Variants in GSG1L observed in about 807,000 individuals in gnomAD.
GSG1L encodes the protein germ cell-specific gene 1-like protein.
In GSG1L, 24 loss-of-function variants were observed where a neutral mutation model predicts 42.1. The ratio of observed to expected loss-of-function variants is 0.57; its 90% confidence interval spans 0.41 to 0.80. GSG1L has a LOEUF of 0.80. Among genes scored for constraint, GSG1L ranks in the 30% least tolerant of loss-of-function variants. The probability of loss-of-function intolerance (pLI) is 0.00; values close to 1 mark genes in which losing one functional copy is unlikely to be tolerated. For missense variants in GSG1L, 445 were observed against 472.2 expected (o/e 0.94, Z 0.53); for synonymous variants, 215 against 203.5 (o/e 1.06, Z -0.48).
intron 2 of GSG1L, among the ~76,000 whole-genome samples, chr16:27,913,121 C>T (rs766062785): frequency 8.5e-5 from 13 of 152,154 alleles, no homozygotes; most frequent in South Asian, 6.2e-4. Flanking sequence ...CCACGCCTGG[C>T]CAATGTGGAG....
chr16:27,894,674 G>C (rs2084169548), intron 2 of GSG1L, among the ~76,000 whole-genome samples: 1 of 152,192 alleles, frequency 6.6e-6, no homozygotes, highest in South Asian at 2.1e-4. Flanking sequence ...CAGAGGCAGG[G>C]ATGTACCGGC....
At chr16:27,983,459 T>C (rs2085346604) in intron 1 of GSG1L, among the ~76,000 whole-genome samples, 1 of 152,242 alleles carries the variant, frequency 6.6e-6, no homozygotes, top group Non-Finnish European at 1.5e-5. Flanking sequence ...TAGCTGGAGA[T>C]AAATGAGGTA....
At chr16:28,033,456 T>G (rs1401190510) in intron 1 of GSG1L, among the ~76,000 whole-genome samples, 2 of 152,132 alleles carry the variant, frequency 1.3e-5, no homozygotes, top group Non-Finnish European at 2.9e-5. Flanking sequence ...CCTTTGAATT[T>G]TAAACCAAGG....
chr16:27,817,879 T>G (rs1004881309), intron 5 of GSG1L, among the ~76,000 whole-genome samples: 2 of 152,210 alleles, frequency 1.3e-5, no homozygotes, highest in Admixed American at 1.3e-4. Context: ...GTAAGGCCCT[T>G]TTCTCTCCTC....
At chr16:27,840,257 G>A (rs1209950444) in intron 4 of GSG1L, among the ~76,000 whole-genome samples, 1 of 151,956 alleles carries the variant, frequency 6.6e-6, no homozygotes, top group African/African-American at 2.4e-5. Flanking sequence ...GGCTGGTCTT[G>A]AATTCCTGGC....
chr16:27,799,975 G>A (rs540304301), intron 6 of GSG1L, among the ~76,000 whole-genome samples: 5 of 152,108 alleles, frequency 3.3e-5, no homozygotes, highest in Admixed American at 6.5e-5. Context: ...ACTTAGAGCT[G>A]CGGAACCCTG....
intron 4 of GSG1L, among the ~76,000 whole-genome samples, chr16:27,839,582 G>A (rs1353609895): frequency 6.6e-6 from 1 of 152,234 alleles, no homozygotes; most frequent in African/African-American, 2.4e-5. Flanking sequence ...ACTAAGTGTG[G>A]AAGCGTGGGT....
chr16:27,886,199 G>A (rs1009008893), intron 2 of GSG1L, among the ~76,000 whole-genome samples: 1 of 152,180 alleles, frequency 6.6e-6, no homozygotes, highest in African/African-American at 2.4e-5. Flanking sequence ...CAGCACTTTG[G>A]CAGGCTGAGG....
chr16:28,025,615 AGC>A (rs2085892636), intron 1 of GSG1L, among the ~76,000 whole-genome samples: 1 of 152,232 alleles, frequency 6.6e-6, no homozygotes, highest in Non-Finnish European at 1.5e-5. Flanking sequence ...TGCCTGCCCC[AGC>A]AGCAAGACAT....
chr16:28,050,582 G>A (rs2086211263), intron 1 of GSG1L, among the ~76,000 whole-genome samples: 1 of 152,224 alleles, frequency 6.6e-6, no homozygotes, highest in Admixed American at 6.5e-5. Flanking sequence ...TCAAGGGTTG[G>A]AACAACTCGG....
Position 27,961,871 on chromosome 16 carries a change from C to T in GSG1L, c.397+1285G>A, listed in dbSNP as rs375099714. Reference sequence around the variant, plus strand: ...TGTCGCTTTCTGGGAACTGAGGGCCCGGTGGGTTCCCTGTCTCTTGCCCCT... The same window carrying T: ...TGTCGCTTTCTGGGAACTGAGGGCCTGGTGGGTTCCCTGTCTCTTGCCCCT... On this transcript the variant is annotated intron_variant, in intron 2 of 6. Coordinates refer to ENST00000447459, the MANE Select transcript of GSG1L (RefSeq NM_001109763.2). Among the ~76,000 whole-genome samples, 22 of 152,176 alleles carry T rather than the reference C, an allele frequency of 1.4e-4. No individual in the cohort carries two copies. The East Asian group carries it at 3.3e-3, about 23-fold the overall frequency.
chr16:28,033,036 T>C (rs1442022940), intron 1 of GSG1L, among the ~76,000 whole-genome samples: 3 of 152,202 alleles, frequency 2.0e-5, no homozygotes, highest in Non-Finnish European at 4.4e-5. Flanking sequence ...GTCCAAATTT[T>C]ATACTGCAGC....
At chr16:28,022,929 C>T (rs112243179) in intron 1 of GSG1L, among the ~76,000 whole-genome samples, 1 of 152,254 alleles carries the variant, frequency 6.6e-6, no homozygotes, top group African/African-American at 2.4e-5. Flanking sequence ...CTCAGCCTCC[C>T]AAAGTGCTGG....
chr16:27,982,973 A>G (rs1732441009), intron 1 of GSG1L, among the ~76,000 whole-genome samples: 1 of 152,024 alleles, frequency 6.6e-6, no homozygotes, highest in Admixed American at 6.6e-5. Context: ...ATCCCAAAAC[A>G]CTATGTAGAG....
chr16:27,943,043 TTTTG>T (rs533456550), intron 2 of GSG1L, among the ~76,000 whole-genome samples: 8 of 151,964 alleles, frequency 5.3e-5, no homozygotes, highest in South Asian at 2.1e-4. Context: ...TGCAGAGTGG[TTTTG>T]TTTGTTTGTT....
intron 2 of GSG1L, among the ~76,000 whole-genome samples, chr16:27,962,017 C>T (rs892255839): frequency 6.6e-6 from 1 of 152,122 alleles, no homozygotes; most frequent in African/African-American, 2.4e-5. Context: ...CCCCTGACTC[C>T]CAAGCCCAGA....
chr16:27,881,860 C>T (rs1019795445), intron 3 of GSG1L, among the ~76,000 whole-genome samples: 1 of 152,122 alleles, frequency 6.6e-6, no homozygotes, highest in Non-Finnish European at 1.5e-5. Flanking sequence ...ACCTCCTGCA[C>T]GGTGGACCTG....
intron 4 of GSG1L, 110 bp from the exon 5 acceptor site, chr16:27,829,066 G>T (rs1357740102): frequency 2.9e-6 from 3 of 1,029,752 alleles, no homozygotes; most frequent in African/African-American, 1.6e-5. Context: ...TTTTCCTCTG[G>T]TACTTAAGCA....
intron 2 of GSG1L, among the ~76,000 whole-genome samples, chr16:27,951,047 C>T (rs1456288189): frequency 6.6e-6 from 1 of 152,102 alleles, no homozygotes; most frequent in Non-Finnish European, 1.5e-5. Context: ...GCCTTATTTC[C>T]TGACACACAC....
Sources: allele counts gnomAD v4.1 joint callset (sites outside exome capture counted in the v4.1 genomes callset), GRCh38; gene constraint gnomAD v4.1.1; transcripts MANE v1.5; gene names NCBI Gene and HGNC (gene_info 2026-07-23, HGNC 2026-07-21).